ROBO1: variants seen among roughly 807,000 people sequenced by gnomAD.
The protein encoded by ROBO1 is roundabout guidance receptor 1, also known as roundabout homolog 1.
In ROBO1, 149 loss-of-function variants were observed where a neutral mutation model predicts 195.9. The observed-to-expected ratio is 0.76, with a 90% CI of 0.67 to 0.87. The LOEUF is 0.87. Ranked by LOEUF, ROBO1 falls within the 40% of genes least tolerant of loss-of-function variation. The pLI is 0.00. For missense variants in ROBO1, 1,933 were observed against 2,068.3 expected (o/e 0.93, Z 1.27); for synonymous variants, 816 against 733.2 (o/e 1.11, Z -1.82).
chr3:78,675,857 G>A (rs1194737271), intron 10 of ROBO1, among the ~76,000 whole-genome samples: 1 of 152,138 alleles, frequency 6.6e-6, no homozygotes, highest in Non-Finnish European at 1.5e-5. Flanking sequence ...ATCTGAGAAA[G>A]GGCAGACTGC....
intron 1 of ROBO1, among the ~76,000 whole-genome samples, chr3:79,699,649 G>A (rs1295975651): frequency 6.6e-6 from 1 of 150,376 alleles, no homozygotes; most frequent in Non-Finnish European, 1.5e-5. Flanking sequence ...TAAAACGTAT[G>A]TTGTTGTTTT....
rs184165139 is a variant in ROBO1, at chr3:79,231,608, T to C, written c.89-106069A>G. Among the ~76,000 whole-genome samples the C allele has an allele frequency of 3.0e-4, 45 of 152,160 alleles. No homozygotes were observed. The East Asian group carries it at 7.7e-3, about 26-fold the overall frequency. On this transcript the variant is annotated intron_variant, in intron 2 of 30. Coordinates refer to ENST00000464233, the MANE Select transcript of ROBO1 (RefSeq NM_002941.4). ...GAGAAAAAGGAATGCTTATACACTG[T>C]TGGTGGGAATGTAAATTAGTTCAAC...
chr3:79,396,844 G>A (rs1379756758), intron 2 of ROBO1, among the ~76,000 whole-genome samples: 1 of 152,008 alleles, frequency 6.6e-6, no homozygotes, highest in Non-Finnish European at 1.5e-5. Flanking sequence ...TGATTGACAG[G>A]TTGATTTTGG....
intron 3 of ROBO1, among the ~76,000 whole-genome samples, chr3:78,948,333 A>T (rs2040573878): frequency 6.6e-6 from 1 of 152,232 alleles, no homozygotes; most frequent in South Asian, 2.1e-4. Flanking sequence ...AGTGGGCTTC[A>T]TCCCTGGGAT....
intron 2 of ROBO1, among the ~76,000 whole-genome samples, chr3:79,552,806 CAT>C (rs1266715826): frequency 6.6e-6 from 1 of 152,040 alleles, no homozygotes; most frequent in Non-Finnish European, 1.5e-5. Flanking sequence ...CAGCATTGCT[CAT>C]ATGTGCATTT....
At chr3:79,273,180 G>A (rs1482930314) in intron 2 of ROBO1, among the ~76,000 whole-genome samples, 1 of 152,094 alleles carries the variant, frequency 6.6e-6, no homozygotes, top group Non-Finnish European at 1.5e-5. Flanking sequence ...ACAAAACTTA[G>A]TGGTAGTAGT....
chr3:79,237,338 C>G (rs1309518323), intron 2 of ROBO1, among the ~76,000 whole-genome samples: 1 of 151,938 alleles, frequency 6.6e-6, no homozygotes, highest in Admixed American at 6.6e-5. Context: ...AAAAATTAGC[C>G]AGGCGTGGTG....
chr3:79,097,924 A>T (rs541169284), intron 3 of ROBO1, among the ~76,000 whole-genome samples: 17 of 151,670 alleles, frequency 1.1e-4, no homozygotes, highest in Admixed American at 2.6e-4. Context: ...ATATAAAATA[A>T]TTTTTCCTGA....
intron 1 of ROBO1, among the ~76,000 whole-genome samples, chr3:79,757,886 G>T (rs1704491792): frequency 6.6e-6 from 1 of 152,146 alleles, no homozygotes. Context: ...CTCAGGAAAA[G>T]AAGTTGTGGT....
chr3:79,721,530 TC>T (rs1702704045), intron 1 of ROBO1, among the ~76,000 whole-genome samples: 1 of 152,130 alleles, frequency 6.6e-6, no homozygotes, highest in South Asian at 2.1e-4. Flanking sequence ...GTAACAAAAA[TC>T]CGTATGGTTA....
chr3:79,173,706 G>A (rs144419824), intron 2 of ROBO1, among the ~76,000 whole-genome samples: 2,122 of 152,286 alleles, frequency 0.014, 28 homozygotes, highest in Non-Finnish European at 0.017. Flanking sequence ...TGAGGAGTGC[G>A]GGCACAGGGT....
At chr3:79,350,538 C>T (rs189092961) in intron 2 of ROBO1, among the ~76,000 whole-genome samples, 210 of 152,168 alleles carry the variant, frequency 1.4e-3, no homozygotes, top group Non-Finnish European at 2.5e-3. Flanking sequence ...AAACTACAAT[C>T]CAAATGTCCA....
Position 78,599,613 on chromosome 3 carries a change from G to A in ROBO1, c.4941+500C>T, listed in dbSNP as rs901191685. ...GCTAACAAGAGAGTATATCTTTGAC[G>A]TAAGAAGTTTCCTCCAACTGGGGAG... is the stretch of plus-strand genomic sequence containing the variant. On this transcript the variant is annotated intron_variant, in intron 30 of 30. Coordinates refer to ENST00000464233, the MANE Select transcript of ROBO1 (RefSeq NM_002941.4). Among the ~76,000 whole-genome samples the A allele has an allele frequency of 6.8e-5, 10 of 146,348 alleles. No homozygotes were observed. The East Asian group carries it at 1.2e-3, about 18-fold the overall frequency.
chr3:79,006,916 C>A (rs1368892678), intron 3 of ROBO1, among the ~76,000 whole-genome samples: 3 of 151,938 alleles, frequency 2.0e-5, no homozygotes, highest in Non-Finnish European at 4.4e-5. Context: ...GTAGGACATC[C>A]CAGGATACCA....
chr3:78,877,281 A>T (rs4680943), intron 4 of ROBO1, among the ~76,000 whole-genome samples: 60,743 of 151,988 alleles, frequency 0.4, 12,501 homozygotes, highest in South Asian at 0.5. Flanking sequence ...GACCTCCAAG[A>T]ATACATCTAT....
At chr3:79,332,876 G>C (rs2034503402) in intron 2 of ROBO1, among the ~76,000 whole-genome samples, 1 of 152,128 alleles carries the variant, frequency 6.6e-6, no homozygotes. Context: ...TTATATACTA[G>C]TGAAAGAAGT....
intron 2 of ROBO1, among the ~76,000 whole-genome samples, chr3:79,312,598 C>T (rs920061238): frequency 5.3e-5 from 8 of 152,102 alleles, no homozygotes; most frequent in Non-Finnish European, 1.0e-4. Context: ...AGATCTATCC[C>T]GGTGGAATTT....
intron 5 of ROBO1, among the ~76,000 whole-genome samples, chr3:78,731,959 C>A (rs1448946477): frequency 1.3e-5 from 2 of 152,076 alleles, no homozygotes; most frequent in Non-Finnish European, 2.9e-5. Flanking sequence ...TTAATGAGAA[C>A]TGTGATATAC....
At chr3:78,746,211 A>G (rs764815514) in intron 5 of ROBO1, among the ~76,000 whole-genome samples, 5 of 152,236 alleles carry the variant, frequency 3.3e-5, no homozygotes, top group Non-Finnish European at 7.3e-5. Flanking sequence ...TTGAAATCCA[A>G]TAATCTCATC....
Sources: gnomAD v4.1 joint callset for allele counts (sites outside exome capture counted in the v4.1 genomes callset) on GRCh38, gnomAD v4.1.1 for gene constraint, MANE v1.5 for transcripts, NCBI Gene and HGNC (gene_info 2026-07-23, HGNC 2026-07-21) for gene names.